Variants in PPHLN1 observed in about 807,000 individuals in gnomAD.
The protein encoded by PPHLN1 is periphilin 1.
A neutral mutation model predicts 51.3 loss-of-function variants in PPHLN1; 29 were observed. That is an observed-to-expected ratio of 0.57 (90% CI 0.42 to 0.77). The LOEUF (loss-of-function observed/expected upper bound fraction) is 0.77. PPHLN1 is among the 30% of genes least tolerant of loss of function. The pLI is 0.00. For missense variants in PPHLN1, 436 were observed against 438.4 expected (o/e 0.99, Z 0.05); for synonymous variants, 147 against 147.8 (o/e 0.99, Z 0.04).
intron 7 of PPHLN1, among the ~76,000 whole-genome samples, chr12:42,391,562 GA>G (rs1188958353): frequency 6.6e-6 from 1 of 152,038 alleles, no homozygotes; most frequent in Non-Finnish European, 1.5e-5. Flanking sequence ...CTTTGCTAGA[GA>G]GAAGTCATAT....
chr12:42,422,884 C>G (rs907448705), intron 9 of PPHLN1, among the ~76,000 whole-genome samples: 2 of 152,116 alleles, frequency 1.3e-5, no homozygotes, highest in African/African-American at 4.8e-5. Flanking sequence ...TAGGTAAATT[C>G]TATTTCAAAA....
intron 5 of PPHLN1, among the ~76,000 whole-genome samples, chr12:42,378,919 TG>T (rs2076532397): frequency 6.6e-6 from 1 of 152,132 alleles, no homozygotes; most frequent in African/African-American, 2.4e-5. Context: ...AGTTCCTTTT[TG>T]TTGTCCATGT....
intron 2 of PPHLN1, among the ~76,000 whole-genome samples, chr12:42,340,203 G>A (rs1408914385): frequency 6.6e-6 from 1 of 151,844 alleles, no homozygotes; most frequent in Non-Finnish European, 1.5e-5. Context: ...ACCTACATTG[G>A]GAAGCTGAGG....
At chr12:42,388,100 T>C (rs181262815) in intron 7 of PPHLN1, among the ~76,000 whole-genome samples, 18 of 152,178 alleles carry the variant, frequency 1.2e-4, no homozygotes, top group African/African-American at 3.9e-4. Context: ...CCTTGTGGGA[T>C]GAGAATGACC....
intron 9 of PPHLN1, among the ~76,000 whole-genome samples, chr12:42,411,195 A>T (rs1165200529): frequency 2.6e-5 from 4 of 151,718 alleles, no homozygotes; most frequent in Admixed American, 2.6e-4. Context: ...GACTATCTCT[A>T]AGTCTTTAAT....
intron 8 of PPHLN1, among the ~76,000 whole-genome samples, chr12:42,394,972 C>T (rs1482642556): frequency 6.6e-6 from 1 of 152,084 alleles, no homozygotes; most frequent in Non-Finnish European, 1.5e-5. Flanking sequence ...CTCCAATTAA[C>T]AAGGCTTTAT....
At chr12:42,348,335 T>C (rs980226294) in intron 2 of PPHLN1, among the ~76,000 whole-genome samples, 2 of 147,508 alleles carry the variant, frequency 1.4e-5, no homozygotes, top group Non-Finnish European at 1.5e-5. Context: ...TTGGCCAGGC[T>C]GGTCTCAATC....
chr12:42,334,636 T>C (rs1369614686), intron 1 of PPHLN1, among the ~76,000 whole-genome samples: 2 of 152,240 alleles, frequency 1.3e-5, no homozygotes, highest in Non-Finnish European at 2.9e-5. Context: ...TTTTGAAATG[T>C]GTTTCTTCTT....
At chr12:42,431,761 T>C (rs2082054284) in intron 9 of PPHLN1, 1 of 1,029,430 alleles carries the variant, frequency 9.7e-7, no homozygotes, top group Non-Finnish European at 1.5e-6. Flanking sequence ...AGCTTAGAAA[T>C]GTCATTGCCA....
At chr12:42,326,914 T>C (rs2068870135) in intron 1 of PPHLN1, among the ~76,000 whole-genome samples, 1 of 152,164 alleles carries the variant, frequency 6.6e-6, no homozygotes, top group African/African-American at 2.4e-5. Flanking sequence ...CCACAGCCTC[T>C]CCTGGAGCCT....
chr12:42,433,972 A>C (rs1303527245), intron 9 of PPHLN1, among the ~76,000 whole-genome samples: 1 of 152,174 alleles, frequency 6.6e-6, no homozygotes, highest in South Asian at 2.1e-4. Flanking sequence ...CACCACCAAA[A>C]GTTCAGGGTT....
chr12:42,413,298 T>TGA (rs756311116), intron 9 of PPHLN1, among the ~76,000 whole-genome samples: 20 of 152,302 alleles, frequency 1.3e-4, no homozygotes, highest in Non-Finnish European at 2.2e-4. Context: ...TGTATAAAGG[T>TGA]GAGAGATAGA....
At chr12:42,444,702 C>G, downstream of PPHLN1, 1 of 236,442 alleles carries the variant, frequency 4.2e-6, no homozygotes, top group South Asian at 8.6e-5. Context: ...AGCAGTCTTG[C>G]CCCTATCTCT....
chr12:42,383,920 G>C (rs2076966664), intron 5 of PPHLN1, among the ~76,000 whole-genome samples: 1 of 140,086 alleles, frequency 7.1e-6, no homozygotes, highest in Non-Finnish European at 1.5e-5. Context: ...GGGGGCGGAG[G>C]TTGCACTGAA....
chr12:42,335,138 A>G (rs911362827), intron 1 of PPHLN1, among the ~76,000 whole-genome samples: 1 of 151,888 alleles, frequency 6.6e-6, no homozygotes, highest in Non-Finnish European at 1.5e-5. Context: ...TCTTGTGGCT[A>G]TATACCCTTG....
At chr12:42,347,971 C>G (rs1264085157) in intron 2 of PPHLN1, among the ~76,000 whole-genome samples, 1 of 152,082 alleles carries the variant, frequency 6.6e-6, no homozygotes, top group Non-Finnish European at 1.5e-5. Context: ...TCTTTAAGAT[C>G]AGGTATCTAC....
chr12:42,387,420 T>C, intron 6 of PPHLN1, 36 bp from the exon 7 acceptor site: 1 of 1,569,222 alleles, frequency 6.4e-7, no homozygotes. Flanking sequence ...ACAAATTAGC[T>C]AGAAAAAAAA....
intron 8 of PPHLN1, among the ~76,000 whole-genome samples, chr12:42,396,615 CAAAAAAAAAAAA>C (rs60131845): frequency 2.5e-4 from 21 of 85,492 alleles, no homozygotes; most frequent in Admixed American, 5.2e-4. Context: ...CTTGTCACTA[CAAAAAAAAAAAA>C]AAAAAAAAAA....
chr12:42,327,387 C>G (rs914534208), intron 1 of PPHLN1, among the ~76,000 whole-genome samples: 1 of 152,194 alleles, frequency 6.6e-6, no homozygotes, highest in African/African-American at 2.4e-5. Context: ...CTTTCTCTGA[C>G]CCTGCATTTA....
Sources: allele counts gnomAD v4.1 joint callset (sites outside exome capture counted in the v4.1 genomes callset), GRCh38; gene constraint gnomAD v4.1.1; transcripts MANE v1.5; gene names NCBI Gene and HGNC (gene_info 2026-07-23, HGNC 2026-07-21).